Variants in TLK1 observed in about 807,000 individuals in gnomAD.
TLK1 encodes the protein tousled like kinase 1.
A neutral mutation model predicts 105.3 loss-of-function variants in TLK1; 24 were observed. The observed-to-expected ratio is 0.23, with a 90% CI of 0.17 to 0.32. TLK1 has a LOEUF of 0.32. Ranked by LOEUF, TLK1 falls within the 10% of genes least tolerant of loss-of-function variation. The pLI, the probability that TLK1 is intolerant of heterozygous loss-of-function variation, is 1.00. For missense variants in TLK1, 558 were observed against 910.5 expected, an observed-to-expected ratio of 0.61 and a Z score of 4.98; for synonymous variants, 321 against 310.4, an observed-to-expected ratio of 1.03 and a Z score of -0.36.
At chr2:171,057,652 T>C (rs1687566355) in intron 5 of TLK1, among the ~76,000 whole-genome samples, 1 of 152,028 alleles carries the variant, frequency 6.6e-6, no homozygotes, top group African/African-American at 2.4e-5. Context: ...GAGTAGACCA[T>C]GTTTGTTGTT....
intron 2 of TLK1, among the ~76,000 whole-genome samples, chr2:171,101,893 C>A (rs1433473641): frequency 6.6e-6 from 1 of 152,140 alleles, no homozygotes; most frequent in East Asian, 1.9e-4. Context: ...AAGATAATTT[C>A]TCCTTCCCAC....
chr2:171,111,216 A>C (rs1349057877), intron 2 of TLK1, among the ~76,000 whole-genome samples: 1 of 152,236 alleles, frequency 6.6e-6, no homozygotes, highest in Non-Finnish European at 1.5e-5. Context: ...TATACTAGTA[A>C]GTTTAAAAGC....
At chr2:171,200,705 C>T (rs148370477) in intron 1 of TLK1, among the ~76,000 whole-genome samples, 2 of 152,114 alleles carry the variant, frequency 1.3e-5, no homozygotes, top group East Asian at 1.9e-4. Flanking sequence ...ATAGTGAGAC[C>T]CCATCTGTAT....
In TLK1 at chr2:171,019,980, C is replaced by T. The variant is rs1437068320; in HGVS notation, c.1237-5032G>A. ...GGATGAGGCACGAGAATCACTTGAA[C>T]CCAGGAAACTGAGGTTGCAGCGAGC... On this transcript the variant is annotated intron_variant, in intron 12 of 20. Coordinates refer to ENST00000431350, the MANE Select transcript of TLK1 (RefSeq NM_012290.5). Among the ~76,000 whole-genome samples, 6 of 151,534 alleles carry T rather than the reference C, an allele frequency of 4.0e-5. No homozygotes were observed. In the East Asian group the frequency reaches 1.2e-3, roughly 29 times the overall value.
At chr2:171,185,406 C>T (rs936283593) in intron 1 of TLK1, among the ~76,000 whole-genome samples, 3 of 152,110 alleles carry the variant, frequency 2.0e-5, no homozygotes, top group Admixed American at 2.0e-4. Flanking sequence ...AGTCCAAATT[C>T]CTTGGTATGG....
intron 2 of TLK1, among the ~76,000 whole-genome samples, chr2:171,094,048 G>C (rs963252723): frequency 2.6e-5 from 4 of 152,188 alleles, no homozygotes; most frequent in Non-Finnish European, 5.9e-5. Context: ...TACCTTGCAA[G>C]GGAGAGCCCT....
Position 171,016,101 on chromosome 2 carries a change from C to T in TLK1, c.1237-1153G>A, listed in dbSNP as rs1038027126. On this transcript the variant is annotated intron_variant, in intron 12 of 20. Coordinates refer to ENST00000431350, the MANE Select transcript of TLK1 (RefSeq NM_012290.5). ...CCCCACTCTCCAGCCCACCGCCACCCGCCGTCAATAAAAAAAAAGGATAAG... is the reference window on the plus strand; with the variant it reads ...CCCCACTCTCCAGCCCACCGCCACCTGCCGTCAATAAAAAAAAAGGATAAG... 6.6e-5 allele frequency among the ~76,000 whole-genome samples: 10 copies of T among 152,104 alleles called. No homozygotes were observed. The South Asian group carries it at 1.2e-3, about 19-fold the overall frequency.
At chr2:171,093,164 G>A (rs911390161) in intron 2 of TLK1, among the ~76,000 whole-genome samples, 4 of 152,118 alleles carry the variant, frequency 2.6e-5, no homozygotes, top group Non-Finnish European at 5.9e-5. Flanking sequence ...CAAAATTGAG[G>A]ACATAACTAA....
chr2:171,025,580 A>G (rs1685734486), intron 12 of TLK1, among the ~76,000 whole-genome samples: 1 of 152,190 alleles, frequency 6.6e-6, no homozygotes, highest in African/African-American at 2.4e-5. Context: ...GATCCAGCCT[A>G]TGGTAGAAGC....
intron 11 of TLK1, among the ~76,000 whole-genome samples, chr2:171,031,561 TTAA>T (rs998729763): frequency 3.9e-5 from 6 of 152,320 alleles, no homozygotes; most frequent in African/African-American, 9.6e-5. Flanking sequence ...AGCTAAATTA[TTAA>T]TATTTTTATT....
chr2:171,200,636 G>A (rs1369827614), intron 1 of TLK1, among the ~76,000 whole-genome samples: 1 of 152,142 alleles, frequency 6.6e-6, no homozygotes, highest in African/African-American at 2.4e-5. Context: ...ATCAAGCCCA[G>A]GAGTTCAAGG....
chr2:171,070,123 T>C (rs1256680360), intron 3 of TLK1, among the ~76,000 whole-genome samples: 1 of 152,118 alleles, frequency 6.6e-6, no homozygotes, highest in Admixed American at 6.5e-5. Context: ...CTTACAGTAA[T>C]AGGCCATTTT....
chr2:171,081,582 G>C lies in TLK1; in HGVS notation c.330+1199C>G, dbSNP rs1024850956. ...ATTTTCAAAGGCTTAGTATAAGTAT[G>C]TTAATTTTTTAAAAACTAAACTGAT... is the stretch of plus-strand genomic sequence containing the variant. On this transcript the variant is annotated intron_variant, in intron 3 of 20. Coordinates refer to ENST00000431350, the MANE Select transcript of TLK1 (RefSeq NM_012290.5). The C allele has an allele frequency of 2.6e-6, 3 of 1,174,576 alleles. No individual in the cohort carries two copies. In the African/African-American group the frequency reaches 4.8e-5, roughly 19 times the overall value. 72.8% of individuals were successfully genotyped at this position (1,174,576 alleles called of 1,614,324 possible). A position where few individuals can be genotyped will look rare whatever the true frequency, so the allele number is the denominator to read the frequency against.
chr2:171,098,276 T>G (rs566717180), intron 2 of TLK1, among the ~76,000 whole-genome samples: 1 of 152,282 alleles, frequency 6.6e-6, no homozygotes, highest in Non-Finnish European at 1.5e-5. Flanking sequence ...AAAAACTACA[T>G]GAGGTGATGA....
chr2:171,124,229 C>G lies in TLK1; in HGVS notation c.140-6372G>C, dbSNP rs538882305. Among the ~76,000 whole-genome samples, 8 of 152,244 alleles carry G rather than the reference C, an allele frequency of 5.3e-5. No individual in the cohort carries two copies. The East Asian group carries it at 1.5e-3, about 29-fold the overall frequency. On this transcript the variant is annotated intron_variant, in intron 1 of 20. Transcript: ENST00000431350. ...ACAGCTTGAGAAATATATAAAGCAG[C>G]CTGAAATTATTTGGGATTTGAATAT...
chr2:171,018,806 G>A (rs1460312394), intron 12 of TLK1, among the ~76,000 whole-genome samples: 1 of 152,140 alleles, frequency 6.6e-6, no homozygotes, highest in Non-Finnish European at 1.5e-5. Context: ...GAGACAAACA[G>A]CATCTCCAGA....
chr2:171,025,399 C>T (rs1685726284), intron 12 of TLK1, among the ~76,000 whole-genome samples: 2 of 152,270 alleles, frequency 1.3e-5, no homozygotes, highest in East Asian at 3.9e-4. Context: ...TCCTTCAGTG[C>T]TAAGAAAGTT....
chr2:171,072,167 A>G (rs1289286251), intron 3 of TLK1, among the ~76,000 whole-genome samples: 1 of 152,092 alleles, frequency 6.6e-6, no homozygotes, highest in Non-Finnish European at 1.5e-5. Flanking sequence ...ATTACATTAA[A>G]CCTATAGATT....
rs1343278034 is a variant in TLK1 at position 170,997,751 on chromosome 2, C to T, written c.1977G>A (p.Ser659=). Residue 659 remains serine, a synonymous_variant, in exon 19 of 21, where the codon TCG becomes TCA. Transcript: ENST00000431350. ...PKISNKVDVW[S]VGVIFFQCLY... is the part of the protein sequence containing the mutation. Reference sequence around the variant, plus strand: ...GACACTGAAAGAAGATGACTCCAACCGACCATACATCAACCTTGTTGGAAA... The same window carrying T: ...GACACTGAAAGAAGATGACTCCAACTGACCATACATCAACCTTGTTGGAAA... The T allele has an allele frequency of 4.3e-6, 7 of 1,609,680 alleles. No homozygotes were observed. Among genetic ancestry groups the T allele is most frequent in the African/African-American group, 2.7e-5 (2 of 74,828 alleles).
Sources: allele counts gnomAD v4.1 joint callset (sites outside exome capture counted in the v4.1 genomes callset), GRCh38; gene constraint gnomAD v4.1.1; transcripts MANE v1.5; gene names NCBI Gene and HGNC (gene_info 2026-07-23, HGNC 2026-07-21).